The following USH2A variants were observed in gnomAD, a reference collection of about 807,000 sequenced individuals.
USH2A encodes usherin.
USH2A carries 443 observed loss-of-function variants against 538.9 expected under a neutral mutation model. That is an observed-to-expected ratio of 0.82 (90% CI 0.76 to 0.89). The LOEUF (loss-of-function observed/expected upper bound fraction) is 0.89, where lower values mean the gene tolerates loss of function less well. USH2A is among the 40% of genes least tolerant of loss of function. The pLI, the probability that USH2A is intolerant of heterozygous loss-of-function variation, is 0.00. For synonymous variants in USH2A, 2,413 were observed against 2,273.5 expected (o/e 1.06, Z -1.75); for missense variants, 6,633 against 6,324.8 (o/e 1.05, Z -1.65).
chr1:216,208,843 C>G (rs1174173259), intron 15 of USH2A, among the ~76,000 whole-genome samples: 1 of 152,160 alleles, frequency 6.6e-6, no homozygotes, highest in Non-Finnish European at 1.5e-5. Context: ...ATTCCCCCAG[C>G]AATGCATTAT....
At chr1:216,412,956 T>C (rs1016241398) in intron 3 of USH2A, among the ~76,000 whole-genome samples, 2 of 152,078 alleles carry the variant, frequency 1.3e-5, no homozygotes, top group South Asian at 2.1e-4. Flanking sequence ...ACTATTTCAT[T>C]GTATAACTGC....
chr1:215,974,083 C>T (rs1003785751), intron 35 of USH2A, among the ~76,000 whole-genome samples: 3 of 151,980 alleles, frequency 2.0e-5, no homozygotes, highest in Non-Finnish European at 2.9e-5. Flanking sequence ...TATTGATACA[C>T]ACACACACAT....
In USH2A at chr1:216,169,139, C is replaced by G. The variant is rs2034226675; in HGVS notation, c.4627+6113G>C. The stretch of plus-strand genomic sequence containing the variant: ...GAAAACCCAGAGACCTTCTGGAAAA[C>G]ATATGTTTATGCATGTGGGATGAGT... On this transcript the variant is annotated intron_variant, in intron 21 of 71. Coordinates refer to ENST00000307340, the MANE Select transcript of USH2A (RefSeq NM_206933.4). 2.0e-5 allele frequency among the ~76,000 whole-genome samples: 3 copies of G among 152,098 alleles called. No homozygotes were observed. In the South Asian group the frequency reaches 6.2e-4, roughly 32 times the overall value.
chr1:216,172,435 A>G (rs1343116872), intron 21 of USH2A, among the ~76,000 whole-genome samples: 1 of 152,104 alleles, frequency 6.6e-6, no homozygotes, highest in Non-Finnish European at 1.5e-5. Context: ...TTTGAATTGA[A>G]TAATTCAAAA....
intron 21 of USH2A, among the ~76,000 whole-genome samples, chr1:216,170,384 T>G (rs2034253010): frequency 6.6e-6 from 1 of 152,136 alleles, no homozygotes; most frequent in Non-Finnish European, 1.5e-5. Context: ...AACATCATTA[T>G]TATGAAGAAA....
chr1:216,282,174 T>A (rs1162575560), intron 11 of USH2A, among the ~76,000 whole-genome samples: 1 of 152,144 alleles, frequency 6.6e-6, no homozygotes, highest in African/African-American at 2.4e-5. Context: ...TGCAACTAAT[T>A]CTTTGGGTTG....
chr1:216,236,655 G>C (rs552984295), intron 13 of USH2A, among the ~76,000 whole-genome samples: 10 of 152,242 alleles, frequency 6.6e-5, no homozygotes, highest in East Asian at 3.9e-4. Context: ...TGAGTCATGA[G>C]AGTGGTTGGT....
rs756426298 is a variant in USH2A at position 216,292,330 on chromosome 1, C to T, written c.1685G>A (p.Arg562His). The T allele has an allele frequency of 3.3e-5, 54 of 1,613,698 alleles. 1 individual carries two copies. The South Asian group carries it at 4.2e-4, about 12-fold the overall frequency. The stretch of plus-strand genomic sequence containing the variant: ...GAAAGCGTAAACTTGATCACCTTGG[C>T]GGAAAGGCTTGTCATTATAAAGAGG... ...CLPLYNDKPF[R>H]QGDQVYAFNC... Residue 562 changes from arginine (R) to histidine (H), a missense_variant, in exon 10 of 72, where the codon CGC becomes CAC. By Grantham distance (29) the Arg-to-His change is conservative. Transcript: ENST00000307340.
intron 14 of USH2A, among the ~76,000 whole-genome samples, chr1:216,225,856 G>C (rs1360757239): frequency 2.0e-5 from 3 of 152,072 alleles, no homozygotes; most frequent in Non-Finnish European, 2.9e-5. Flanking sequence ...ATGCACGAGG[G>C]ACTTGCAAGC....
chr1:216,410,941 T>C (rs1367848270), intron 3 of USH2A, among the ~76,000 whole-genome samples: 3 of 152,180 alleles, frequency 2.0e-5, no homozygotes, highest in Non-Finnish European at 4.4e-5. Context: ...CCTTCACACT[T>C]GTCTTCAAGC....
intron 64 of USH2A, among the ~76,000 whole-genome samples, chr1:215,663,583 G>T (rs1368716163): frequency 6.6e-6 from 1 of 152,118 alleles, no homozygotes. Context: ...ACCTCATGCA[G>T]CCCTGCCTGT....
chr1:215,695,964 G>T (rs1030544931), intron 61 of USH2A, among the ~76,000 whole-genome samples: 6 of 151,834 alleles, frequency 4.0e-5, no homozygotes, highest in African/African-American at 1.5e-4. Flanking sequence ...GGCCAGGCTG[G>T]TCTTGAACTT....
intron 22 of USH2A, among the ~76,000 whole-genome samples, chr1:216,096,182 T>A (rs982881250): frequency 6.6e-5 from 10 of 152,208 alleles, no homozygotes; most frequent in Non-Finnish European, 8.8e-5. Flanking sequence ...CTTAAATGAC[T>A]TGGTTTCTAC....
intron 52 of USH2A, among the ~76,000 whole-genome samples, chr1:215,785,247 A>G (rs1173503190): frequency 6.6e-6 from 1 of 152,156 alleles, no homozygotes; most frequent in Non-Finnish European, 1.5e-5. Flanking sequence ...ATAGCAGCAC[A>G]GGGACTGCAT....
intron 70 of USH2A, among the ~76,000 whole-genome samples, chr1:215,630,482 G>GTGTATATA (rs1293184920): frequency 4.4e-4 from 10 of 22,552 alleles, no homozygotes; most frequent in African/African-American, 8.9e-4. Flanking sequence ...ATGTGTGTGT[G>GTGTATATA]TATATATATA....
chr1:215,677,689 T>A (rs1571951619), intron 62 of USH2A, among the ~76,000 whole-genome samples: 1 of 152,212 alleles, frequency 6.6e-6, no homozygotes, highest in Non-Finnish European at 1.5e-5. Context: ...TCTAGCCTAG[T>A]TCCCTCTTAT....
chr1:216,089,973 A>G (rs1457228225), intron 22 of USH2A, among the ~76,000 whole-genome samples: 3 of 152,006 alleles, frequency 2.0e-5, no homozygotes, highest in Non-Finnish European at 2.9e-5. Context: ...AGATATCCCA[A>G]CTTTGTCACC....
chr1:215,851,295 C>T (rs1365168815), intron 44 of USH2A, among the ~76,000 whole-genome samples: 1 of 151,810 alleles, frequency 6.6e-6, no homozygotes, highest in East Asian at 1.9e-4. Flanking sequence ...ATTGACAGAC[C>T]ATGTAGGAAG....
At chr1:215,654,574 T>C (rs191988720) in intron 64 of USH2A, among the ~76,000 whole-genome samples, 2 of 152,206 alleles carry the variant, frequency 1.3e-5, no homozygotes, top group Admixed American at 1.3e-4. Context: ...TAATGAAAAG[T>C]TAGGACTGAC....
Sources: allele counts gnomAD v4.1 joint callset (sites outside exome capture counted in the v4.1 genomes callset), GRCh38; gene constraint gnomAD v4.1.1; transcripts MANE v1.5; gene names NCBI Gene and HGNC (gene_info 2026-07-23, HGNC 2026-07-21).